The following GRM1 variants were observed in gnomAD, a reference collection of about 807,000 sequenced individuals.
The protein encoded by GRM1 is glutamate metabotropic receptor 1, also known as metabotropic glutamate receptor 1.
In GRM1, 33 loss-of-function variants were observed where a neutral mutation model predicts 90.9. The ratio of observed to expected loss-of-function variants is 0.36; its 90% confidence interval spans 0.28 to 0.49. The LOEUF (loss-of-function observed/expected upper bound fraction) is 0.49. Ranked by LOEUF, GRM1 falls within the 20% of genes least tolerant of loss-of-function variation. The pLI is 0.99. For synonymous variants in GRM1, 700 were observed against 613.2 expected (o/e 1.14, Z -2.09); for missense variants, 1,190 against 1,534.3 (o/e 0.78, Z 3.75).
At chr6:146,141,940 G>A (rs960351926) in intron 1 of GRM1, among the ~76,000 whole-genome samples, 1 of 152,192 alleles carries the variant, frequency 6.6e-6, no homozygotes, top group African/African-American at 2.4e-5. Context: ...TAGTCTTAAC[G>A]CTTGTGGAAT....
chr6:146,197,696 T>C (rs1274748545), intron 2 of GRM1, among the ~76,000 whole-genome samples: 1 of 152,242 alleles, frequency 6.6e-6, no homozygotes, highest in African/African-American at 2.4e-5. Flanking sequence ...ATAAATAGTA[T>C]TGTTCATCCT....
intron 4 of GRM1, among the ~76,000 whole-genome samples, chr6:146,354,562 G>T (rs362880): frequency 0.2 from 30,184 of 151,758 alleles, 3,304 homozygotes; most frequent in South Asian, 0.27. Context: ...CTTTCCCCTG[G>T]GTCTTTTCTT....
chr6:146,106,863 T>G (rs1775323881), intron 1 of GRM1, among the ~76,000 whole-genome samples: 1 of 152,210 alleles, frequency 6.6e-6, no homozygotes, highest in African/African-American at 2.4e-5. Flanking sequence ...ACTCAGCTAT[T>G]TAGCATGACG....
intron 1 of GRM1, among the ~76,000 whole-genome samples, chr6:146,116,048 T>A (rs1347877435): frequency 6.6e-6 from 1 of 152,180 alleles, no homozygotes; most frequent in Non-Finnish European, 1.5e-5. Flanking sequence ...CCTCCTGGGC[T>A]CAAGTGATTC....
At chr6:146,261,226 C>A (rs1237958784) in intron 2 of GRM1, among the ~76,000 whole-genome samples, 1 of 151,974 alleles carries the variant, frequency 6.6e-6, no homozygotes. Context: ...AGGAGAAAAT[C>A]CAACTGAAGG....
At chr6:146,188,588 A>G (rs994685372) in intron 2 of GRM1, among the ~76,000 whole-genome samples, 1 of 152,186 alleles carries the variant, frequency 6.6e-6, no homozygotes, top group Non-Finnish European at 1.5e-5. Flanking sequence ...CCCATACCCC[A>G]ATAACTTAAA....
In GRM1 at chr6:146,435,328, G is replaced by A. The variant is rs1778563487; in HGVS notation, c.*532G>A. ...TCCCAAACGGATGATGGGATGATGG[G>A]ACAGCAGCTCCTTGCTCAGAAGCCC... On this transcript the variant is annotated 3_prime_UTR_variant, in exon 8 of 8. Transcript: ENST00000282753. The A allele has an allele frequency of 4.9e-6, 1 of 203,362 alleles. No individual in the cohort carries two copies. Among genetic ancestry groups the A allele is most frequent in the Admixed American group, 5.3e-5 (1 of 18,928 alleles). The allele number at this position is 203,362 out of a possible 1,614,324, so 12.6% of individuals were successfully genotyped here. A position where few individuals can be genotyped will look rare whatever the true frequency, so the allele number is the denominator to read the frequency against.
intron 7 of GRM1, among the ~76,000 whole-genome samples, chr6:146,407,019 A>G (rs1255736130): frequency 6.6e-6 from 1 of 152,236 alleles, no homozygotes; most frequent in Non-Finnish European, 1.5e-5. Flanking sequence ...CTAGGTGGCC[A>G]GCGCAAGGAT....
At chr6:146,140,231 A>T (rs1178721982) in intron 1 of GRM1, among the ~76,000 whole-genome samples, 2 of 124,280 alleles carry the variant, frequency 1.6e-5, no homozygotes, top group African/African-American at 3.1e-5. Flanking sequence ...GTATATTTTA[A>T]TTTCTTGCTT....
At chr6:146,357,785 T>C in intron 5 of GRM1, 91 bp downstream of exon 5, 2 of 1,046,558 alleles carry the variant, frequency 1.9e-6, no homozygotes, top group South Asian at 2.7e-5. Flanking sequence ...TTTAAAAACA[T>C]AACTGTCTAG....
chr6:146,396,822 T>C (rs1201544847), intron 6 of GRM1, among the ~76,000 whole-genome samples: 2 of 152,182 alleles, frequency 1.3e-5, no homozygotes, highest in African/African-American at 4.8e-5. Flanking sequence ...TACCAAATGG[T>C]GCATTTCAAA....
At chr6:146,394,210 A>G (rs1007225307) in intron 6 of GRM1, among the ~76,000 whole-genome samples, 3 of 152,138 alleles carry the variant, frequency 2.0e-5, no homozygotes, top group Non-Finnish European at 4.4e-5. Flanking sequence ...ATGGGCAAAG[A>G]CCTTTATATT....
chr6:146,396,094 A>ATCTATCTATCTATCTGTCTG (rs1268972105), intron 6 of GRM1, among the ~76,000 whole-genome samples: 10 of 143,598 alleles, frequency 7.0e-5, no homozygotes, highest in Admixed American at 6.8e-4. Context: ...CTATCTATCT[A>ATCTATCTATCTATCTGTCTG]TCTATCTATC....
At chr6:146,388,624 G>T (rs909637387) in intron 6 of GRM1, among the ~76,000 whole-genome samples, 2 of 151,980 alleles carry the variant, frequency 1.3e-5, no homozygotes, top group Non-Finnish European at 1.5e-5. Context: ...CGTTTTTGAA[G>T]GTATGAACTG....
chr6:146,299,160 C>G (rs1237084351), intron 2 of GRM1, among the ~76,000 whole-genome samples: 1 of 152,138 alleles, frequency 6.6e-6, no homozygotes, highest in East Asian at 1.9e-4. Flanking sequence ...GCACTTGATA[C>G]TTTTCCTGGC....
At chr6:146,146,214 T>C (rs1466153381) in intron 1 of GRM1, among the ~76,000 whole-genome samples, 8 of 139,906 alleles carry the variant, frequency 5.7e-5, no homozygotes, top group Non-Finnish European at 1.2e-4. Context: ...TCAGCCTCCC[T>C]AGTAGCTGGG....
intron 3 of GRM1, among the ~76,000 whole-genome samples, chr6:146,319,313 G>T (rs1185955402): frequency 6.6e-6 from 1 of 152,148 alleles, no homozygotes; most frequent in African/African-American, 2.4e-5. Context: ...CCTATGTTCT[G>T]TTCCATTGGT....
chr6:146,347,678 C>T (rs748823933), intron 3 of GRM1, among the ~76,000 whole-genome samples: 1 of 152,158 alleles, frequency 6.6e-6, no homozygotes, highest in Non-Finnish European at 1.5e-5. Context: ...TAAATGAACA[C>T]TTTCTTCTAG....
intron 3 of GRM1, among the ~76,000 whole-genome samples, chr6:146,334,972 C>T (rs935210167): frequency 6.6e-6 from 1 of 151,962 alleles, no homozygotes; most frequent in Non-Finnish European, 1.5e-5. Flanking sequence ...GGATTTTTTC[C>T]CTTTGAAATT....
Sources: allele counts gnomAD v4.1 joint callset (sites outside exome capture counted in the v4.1 genomes callset), GRCh38; gene constraint gnomAD v4.1.1; transcripts MANE v1.5; gene names NCBI Gene and HGNC (gene_info 2026-07-23, HGNC 2026-07-21).